Variants in GPC6 observed in about 807,000 individuals in gnomAD.
GPC6 encodes the protein glypican-6.
GPC6 carries 14 observed loss-of-function variants against 55.2 expected under a neutral mutation model. The observed-to-expected ratio is 0.25, with a 90% CI of 0.17 to 0.40. GPC6 has a LOEUF of 0.40. Ranked by LOEUF, GPC6 falls within the 10% of genes least tolerant of loss-of-function variation. The probability of loss-of-function intolerance (pLI) is 1.00; values close to 1 mark genes in which losing one functional copy is unlikely to be tolerated. For missense variants in GPC6, 641 were observed against 708.5 expected (o/e 0.90, Z 1.08); for synonymous variants, 278 against 259.6 (o/e 1.07, Z -0.68).
At chr13:93,679,901 G>T (rs996234544) in intron 2 of GPC6, among the ~76,000 whole-genome samples, 7 of 151,956 alleles carry the variant, frequency 4.6e-5, no homozygotes, top group Non-Finnish European at 1.0e-4. Flanking sequence ...ATTATAATAG[G>T]CTAAAATGGG....
chr13:93,698,581 A>G (rs1882554716), intron 2 of GPC6, among the ~76,000 whole-genome samples: 1 of 127,252 alleles, frequency 7.9e-6, no homozygotes, highest in South Asian at 2.3e-4. Flanking sequence ...TTCCTCTTCT[A>G]CTTGCCCTTT....
chr13:93,419,213 A>C (rs1876832712), intron 1 of GPC6, among the ~76,000 whole-genome samples: 1 of 151,606 alleles, frequency 6.6e-6, no homozygotes, highest in Non-Finnish European at 1.5e-5. Context: ...ATCTGGGTAA[A>C]AATGGGACTA....
intron 6 of GPC6, among the ~76,000 whole-genome samples, chr13:94,342,628 A>C (rs1878098602): frequency 6.6e-6 from 1 of 152,158 alleles, no homozygotes; most frequent in African/African-American, 2.4e-5. Flanking sequence ...CCGTTGTGGG[A>C]CTTTCCTGGC....
At chr13:93,999,890 A>G (rs1881723159) in intron 3 of GPC6, among the ~76,000 whole-genome samples, 1 of 152,214 alleles carries the variant, frequency 6.6e-6, no homozygotes, top group Non-Finnish European at 1.5e-5. Context: ...ATTGGCATAT[A>G]TTGAAAGCGA....
chr13:93,321,718 TAATA>T (rs1879441444), intron 1 of GPC6, among the ~76,000 whole-genome samples: 2 of 152,224 alleles, frequency 1.3e-5, no homozygotes, highest in African/African-American at 4.8e-5. Context: ...TACACTCATC[TAATA>T]AATAAAAGAA....
chr13:94,314,485 G>A (rs904039556), intron 6 of GPC6, among the ~76,000 whole-genome samples: 9 of 152,150 alleles, frequency 5.9e-5, no homozygotes, highest in East Asian at 1.9e-4. Flanking sequence ...CTCGTTTCAC[G>A]GTAACTGTCC....
At position 93,766,606 on chromosome 13, in the gene GPC6, A is replaced by G. The variant is rs185159227; in HGVS notation, c.320-63548A>G. Among the ~76,000 whole-genome samples the G allele has an allele frequency of 9.7e-3, 1,411 of 145,872 alleles. 13 individuals are homozygous for G. The highest frequency in any genetic ancestry group is 0.035 in the African/African-American group (1,276 of 36,778). The stretch of plus-strand genomic sequence containing the variant: ...ATAGATTTTATATTATGTCCAAGGA[A>G]AACTATTTTAAGTGGACTTAAATTT... On this transcript the variant is annotated intron_variant, in intron 2 of 8. Transcript: ENST00000377047.
chr13:93,782,623 G>A (rs527381796), intron 2 of GPC6, among the ~76,000 whole-genome samples: 2 of 151,910 alleles, frequency 1.3e-5, no homozygotes, highest in African/African-American at 2.4e-5. Flanking sequence ...AACAGTCATC[G>A]TAACAAGTAT....
At chr13:93,234,337 G>C (rs1388594156) in intron 1 of GPC6, among the ~76,000 whole-genome samples, 2 of 152,102 alleles carry the variant, frequency 1.3e-5, no homozygotes, top group Non-Finnish European at 2.9e-5. Flanking sequence ...CCACCTGGGG[G>C]TCATGTCGTC....
intron 2 of GPC6, among the ~76,000 whole-genome samples, chr13:93,606,803 C>CAAAACA (rs60012269): frequency 0.059 from 9,039 of 151,996 alleles, 882 homozygotes; most frequent in African/African-American, 0.21. Flanking sequence ...TCTCTGTAAA[C>CAAAACA]AAAACAAAAA....
intron 1 of GPC6, among the ~76,000 whole-genome samples, chr13:93,425,996 T>G (rs12855239): frequency 0.21 from 31,373 of 152,130 alleles, 3,439 homozygotes; most frequent in Middle Eastern, 0.28. Context: ...CATTTCCTCT[T>G]TGAAGCCTTT....
intron 4 of GPC6, among the ~76,000 whole-genome samples, chr13:94,066,064 C>T (rs941425527): frequency 2.6e-5 from 4 of 152,100 alleles, no homozygotes; most frequent in African/African-American, 7.2e-5. Flanking sequence ...TACACATGAT[C>T]GAGTTTGGTT....
At chr13:94,202,667 A>G (rs1169358575) in intron 4 of GPC6, among the ~76,000 whole-genome samples, 1 of 152,176 alleles carries the variant, frequency 6.6e-6, no homozygotes, top group East Asian at 1.9e-4. Context: ...TGCAAGAAAA[A>G]GTATGGGTTG....
intron 2 of GPC6, among the ~76,000 whole-genome samples, chr13:93,703,028 T>C (rs903071298): frequency 4.1e-4 from 63 of 152,126 alleles, no homozygotes; most frequent in African/African-American, 1.4e-3. Flanking sequence ...TGACTAGCTG[T>C]CACAAGAGAC....
chr13:93,999,104 C>T (rs779588424), intron 3 of GPC6, among the ~76,000 whole-genome samples: 3 of 152,058 alleles, frequency 2.0e-5, no homozygotes, highest in Non-Finnish European at 4.4e-5. Flanking sequence ...TAGGTATACA[C>T]GTGCCATGGT....
At chr13:94,286,285 A>G in intron 4 of GPC6, 64 bp from the exon 5 acceptor site, 1 of 1,567,138 alleles carries the variant, frequency 6.4e-7, no homozygotes, top group Non-Finnish European at 8.8e-7. Flanking sequence ...AACAATGTTT[A>G]AACACAGGTT....
chr13:93,515,628 G>T (rs1881159902), intron 1 of GPC6, among the ~76,000 whole-genome samples: 1 of 152,116 alleles, frequency 6.6e-6, no homozygotes, highest in African/African-American at 2.4e-5. Flanking sequence ...ATGATTAATT[G>T]TATGTAAGTC....
intron 1 of GPC6, among the ~76,000 whole-genome samples, chr13:93,274,769 A>G (rs1489084224): frequency 6.6e-6 from 1 of 152,224 alleles, no homozygotes; most frequent in Non-Finnish European, 1.5e-5. Flanking sequence ...TAGTGCAAAA[A>G]ATATATCCAC....
In GPC6 at chr13:93,318,401, A is replaced by G. The variant is rs186489787; in HGVS notation, c.160+90785A>G. On this transcript the variant is annotated intron_variant, in intron 1 of 8. Coordinates refer to ENST00000377047, the MANE Select transcript of GPC6 (RefSeq NM_005708.5). ...AGTTCTTTTCTGTAACAAATTTCAG[A>G]TAACTTGATTTAATTGGGAATAACA... Among the ~76,000 whole-genome samples the G allele has an allele frequency of 6.5e-4, 99 of 152,294 alleles. No homozygotes were observed. The East Asian group carries it at 0.012, about 19-fold the overall frequency.
Sources: gnomAD v4.1 joint callset for allele counts (sites outside exome capture counted in the v4.1 genomes callset) on GRCh38, gnomAD v4.1.1 for gene constraint, MANE v1.5 for transcripts, NCBI Gene and HGNC (gene_info 2026-07-23, HGNC 2026-07-21) for gene names.